The following ACER3 variants were observed in gnomAD, a reference collection of about 807,000 sequenced individuals.
The protein encoded by ACER3 is alkaline ceramidase 3.
ACER3 carries 16 observed loss-of-function variants against 48.9 expected under a neutral mutation model. The ratio of observed to expected loss-of-function variants is 0.33; its 90% CI spans 0.22 to 0.50. The LOEUF (loss-of-function observed/expected upper bound fraction) is 0.50, where lower values mean the gene tolerates loss of function less well. Among genes scored for constraint, ACER3 ranks in the 20% least tolerant of loss-of-function variants. ACER3 has a pLI of 0.98. For synonymous variants in ACER3, 109 were observed against 107.8 expected, an observed-to-expected ratio of 1.01 and a Z score of -0.07; for missense variants, 227 against 326.0, an observed-to-expected ratio of 0.70 and a Z score of 2.34.
At chr11:76,935,044 TCTCC>T (rs988052118) in intron 2 of ACER3, among the ~76,000 whole-genome samples, 1 of 151,980 alleles carries the variant, frequency 6.6e-6, no homozygotes, top group Non-Finnish European at 1.5e-5. Flanking sequence ...GCTCAATTCC[TCTCC>T]TCAAAAAAGA....
intron 3 of ACER3, among the ~76,000 whole-genome samples, chr11:76,971,249 A>G (rs1258996693): frequency 6.6e-6 from 1 of 152,104 alleles, no homozygotes; most frequent in Non-Finnish European, 1.5e-5. Context: ...AGTCTATAAA[A>G]CACACTAATA....
At chr11:76,884,694 G>A (rs1298545798) in intron 1 of ACER3, among the ~76,000 whole-genome samples, 2 of 152,176 alleles carry the variant, frequency 1.3e-5, no homozygotes, top group South Asian at 4.1e-4. Context: ...TTGAGGCTAT[G>A]TAATTTAGTG....
At chr11:76,957,662 T>C in intron 2 of ACER3, 1 of 252,606 alleles carries the variant, frequency 4.0e-6, no homozygotes, top group Non-Finnish European at 8.0e-6. Flanking sequence ...CAGGCTGATC[T>C]CGAACTCCTG....
chr11:76,927,842 T>C (rs923007980), intron 2 of ACER3, among the ~76,000 whole-genome samples: 3 of 152,218 alleles, frequency 2.0e-5, no homozygotes, highest in African/African-American at 7.2e-5. Context: ...TGCCACGTTT[T>C]CTTAATCCAT....
intron 1 of ACER3, among the ~76,000 whole-genome samples, chr11:76,908,543 A>ATG (rs1205641260): frequency 6.6e-6 from 1 of 152,176 alleles, no homozygotes; most frequent in Non-Finnish European, 1.5e-5. Flanking sequence ...CTTACAAGGG[A>ATG]TGTGAAGTAC....
At chr11:76,932,465 C>A (rs1262833232) in intron 2 of ACER3, among the ~76,000 whole-genome samples, 1 of 152,184 alleles carries the variant, frequency 6.6e-6, no homozygotes, top group African/African-American at 2.4e-5. Context: ...TGATTATCTT[C>A]AAAAGGAAGA....
intron 1 of ACER3, among the ~76,000 whole-genome samples, chr11:76,892,507 A>G (rs992022666): frequency 6.6e-6 from 1 of 152,112 alleles, no homozygotes; most frequent in Admixed American, 6.6e-5. Context: ...GCTGTGGCAC[A>G]CTTGTCTTGG....
intron 1 of ACER3, among the ~76,000 whole-genome samples, chr11:76,863,531 T>C (rs903314913): frequency 2.6e-5 from 4 of 152,222 alleles, no homozygotes; most frequent in Non-Finnish European, 5.9e-5. Context: ...GTATCTACAG[T>C]AATATATCTT....
intron 6 of ACER3, 33 bp from the exon 7 acceptor site, chr11:76,998,729 GA>G: frequency 6.6e-7 from 1 of 1,520,500 alleles, no homozygotes; most frequent in Non-Finnish European, 8.9e-7. Context: ...AAACAATAAT[GA>G]TTGTACTAAC....
chr11:76,955,151 G>C (rs1947802589), intron 2 of ACER3, among the ~76,000 whole-genome samples: 1 of 152,148 alleles, frequency 6.6e-6, no homozygotes, highest in Admixed American at 6.5e-5. Context: ...GGAGAAATTA[G>C]TATATTGCTG....
At chr11:76,928,828 T>C (rs1946910246) in intron 2 of ACER3, among the ~76,000 whole-genome samples, 1 of 152,188 alleles carries the variant, frequency 6.6e-6, no homozygotes, top group African/African-American at 2.4e-5. Context: ...ATATCTCTGT[T>C]TTGGTACCAG....
At chr11:76,990,804 T>C (rs1262678579) in intron 6 of ACER3, among the ~76,000 whole-genome samples, 3 of 152,206 alleles carry the variant, frequency 2.0e-5, no homozygotes. Flanking sequence ...CAGCTGGCTG[T>C]TGGTATTCAG....
chr11:77,017,425 A>G (rs1949392567), intron 9 of ACER3, among the ~76,000 whole-genome samples: 1 of 152,226 alleles, frequency 6.6e-6, no homozygotes, highest in South Asian at 2.1e-4. Flanking sequence ...GTGAAGAAAT[A>G]GAACAGACCT....
chr11:77,005,484 T>C (rs1555020698), intron 7 of ACER3, among the ~76,000 whole-genome samples: 1 of 152,158 alleles, frequency 6.6e-6, no homozygotes, highest in Non-Finnish European at 1.5e-5. Context: ...GTCCACAAGC[T>C]ACGTGGCTTT....
chr11:76,937,244 T>A (rs1947214441), intron 2 of ACER3, among the ~76,000 whole-genome samples: 1 of 152,236 alleles, frequency 6.6e-6, no homozygotes, highest in Non-Finnish European at 1.5e-5. Flanking sequence ...TTGGCAAGGC[T>A]GTGGGAGAAA....
chr11:76,896,060 T>A (rs1381684726), intron 1 of ACER3, among the ~76,000 whole-genome samples: 4 of 152,248 alleles, frequency 2.6e-5, no homozygotes, highest in African/African-American at 9.6e-5. Context: ...CCTGGAGTTA[T>A]GCAATAAAAA....
At chr11:76,989,668 A>G (rs939052090) in intron 5 of ACER3, among the ~76,000 whole-genome samples, 5 of 152,224 alleles carry the variant, frequency 3.3e-5, no homozygotes, top group Non-Finnish European at 7.3e-5. Context: ...GATGAGGAGG[A>G]AACAAGAAGA....
At chr11:76,882,290 C>G (rs2134580942) in intron 1 of ACER3, among the ~76,000 whole-genome samples, 1 of 152,180 alleles carries the variant, frequency 6.6e-6, no homozygotes, top group East Asian at 1.9e-4. Flanking sequence ...AGGCTTGAGC[C>G]ATTGTGCCCG....
chr11:76,920,926 A>G (rs1215192571), intron 1 of ACER3, among the ~76,000 whole-genome samples: 1 of 152,222 alleles, frequency 6.6e-6, no homozygotes, highest in African/African-American at 2.4e-5. Context: ...GCCATGATCC[A>G]CAATGCCTGG....
Sources: allele counts gnomAD v4.1 joint callset (sites outside exome capture counted in the v4.1 genomes callset), GRCh38; gene constraint gnomAD v4.1.1; transcripts MANE v1.5; gene names NCBI Gene and HGNC (gene_info 2026-07-23, HGNC 2026-07-21).